Variants in ROR2 observed in about 807,000 individuals in gnomAD.
The protein encoded by ROR2 is tyrosine-protein kinase transmembrane receptor ROR2.
In ROR2, 33 loss-of-function variants were observed where a neutral mutation model predicts 74.9. The observed-to-expected ratio is 0.44, with a 90% CI of 0.33 to 0.59. ROR2 has a LOEUF of 0.59. ROR2 is among the 20% of genes least tolerant of loss of function. The pLI is 0.02. For missense variants in ROR2, 1,216 were observed against 1,313.8 expected (o/e 0.93, Z 1.15); for synonymous variants, 586 against 558.7 (o/e 1.05, Z -0.69).
chr9:91,878,631 C>A lies in ROR2; in HGVS notation c.97+71236G>T, dbSNP rs186707378. ...TCCAGTTCACCTCTTTGGAAAGCCA[C>A]TTGGAGGCTGAAGCCAAACCATAGC... On this transcript the variant is annotated intron_variant, in intron 1 of 8. Transcript: ENST00000375708. 3.2e-3 allele frequency among the ~76,000 whole-genome samples: 491 copies of A among 152,366 alleles called. 3 individuals carry two copies. The highest frequency in any genetic ancestry group is 0.014 in the Middle Eastern group (4 of 294).
chr9:91,732,693 G>A (rs1193218403), intron 6 of ROR2, among the ~76,000 whole-genome samples: 1 of 152,240 alleles, frequency 6.6e-6, no homozygotes. Context: ...TGGGGCAGGA[G>A]TTGAGAGTCT....
At chr9:91,738,581 C>G (rs1414758460) in intron 4 of ROR2, among the ~76,000 whole-genome samples, 1 of 152,186 alleles carries the variant, frequency 6.6e-6, no homozygotes, top group Non-Finnish European at 1.5e-5. Context: ...ACAAGGTAAA[C>G]AGCAGAAATA....
Position 91,902,655 on chromosome 9 carries a change from T to G in ROR2, c.97+47212A>C, listed in dbSNP as rs189399569. ...ATCAGTTGGAGAGCTCAGTCTCAACTGAAGCAACAAGAAAGGGACACTGTT... is the reference window on the plus strand; with the variant it reads ...ATCAGTTGGAGAGCTCAGTCTCAACGGAAGCAACAAGAAAGGGACACTGTT... On this transcript the variant is annotated intron_variant, in intron 1 of 8. Transcript: ENST00000375708. 2.6e-5 allele frequency among the ~76,000 whole-genome samples: 4 copies of G among 152,230 alleles called. No homozygotes were observed. In the East Asian group the frequency reaches 7.7e-4, roughly 29 times the overall value.
intron 1 of ROR2, among the ~76,000 whole-genome samples, chr9:91,947,941 T>C (rs1191154444): frequency 6.6e-6 from 1 of 151,890 alleles, no homozygotes; most frequent in Non-Finnish European, 1.5e-5. Flanking sequence ...AACCTAGCCA[T>C]ACAGAACGAA....
chr9:91,902,171 T>A (rs1334832903), intron 1 of ROR2, among the ~76,000 whole-genome samples: 1 of 152,218 alleles, frequency 6.6e-6, no homozygotes, highest in Non-Finnish European at 1.5e-5. Flanking sequence ...AAGTAAGAGA[T>A]GCATACTCAC....
At chr9:91,883,862 T>G (rs536941861) in intron 1 of ROR2, among the ~76,000 whole-genome samples, 57 of 152,296 alleles carry the variant, frequency 3.7e-4, no homozygotes, top group Admixed American at 6.5e-4. Context: ...AAGGTCCTGG[T>G]GGCCTCGGAA....
intron 1 of ROR2, among the ~76,000 whole-genome samples, chr9:91,945,870 G>A (rs1006417051): frequency 1.3e-5 from 2 of 152,144 alleles, no homozygotes; most frequent in African/African-American, 2.4e-5. Context: ...TTTCCAACTT[G>A]GCAAGCTCTT....
chr9:91,902,783 G>C (rs954924026), intron 1 of ROR2, among the ~76,000 whole-genome samples: 20 of 152,328 alleles, frequency 1.3e-4, no homozygotes, highest in African/African-American at 4.8e-4. Flanking sequence ...CATATCCTTA[G>C]GAATGGAAAT....
intron 1 of ROR2, among the ~76,000 whole-genome samples, chr9:91,855,042 G>A (rs1384016807): frequency 6.6e-6 from 1 of 152,108 alleles, no homozygotes; most frequent in East Asian, 1.9e-4. Context: ...AACATTTTCA[G>A]GAGAATGGAA....
intron 1 of ROR2, among the ~76,000 whole-genome samples, chr9:91,791,395 T>G (rs926159572): frequency 5.3e-5 from 8 of 152,220 alleles, no homozygotes; most frequent in African/African-American, 1.9e-4. Context: ...ATACACTCTA[T>G]GATGCTCACA....
Position 91,730,962 on chromosome 9 carries a change from G to A in ROR2, c.1131C>T (p.Cys377=). ...TGCGTACGTTTTTATTCTGCGTAAA[G>A]CACCAGGGGCCCTCCATCTGGCCTC... ...NPGGQMEGPW[C]FTQNKNVRME... is the part of the protein sequence containing the mutation. Residue 377 remains cysteine, a synonymous_variant, in exon 7 of 9, where the codon TGC becomes TGT. Transcript: ENST00000375708. The A allele has an allele frequency of 3.1e-6, 5 of 1,614,196 alleles. No homozygotes were observed. The highest frequency in any genetic ancestry group is 4.2e-6 in the Non-Finnish European group (5 of 1,180,042).
At chr9:91,827,000 C>T (rs954939030) in intron 1 of ROR2, among the ~76,000 whole-genome samples, 1 of 152,144 alleles carries the variant, frequency 6.6e-6, no homozygotes, top group Non-Finnish European at 1.5e-5. Context: ...GTTTACCAGA[C>T]AAGACCATTA....
chr9:91,829,020 T>C (rs1474921093), intron 1 of ROR2, among the ~76,000 whole-genome samples: 1 of 152,216 alleles, frequency 6.6e-6, no homozygotes, highest in Non-Finnish European at 1.5e-5. Flanking sequence ...GGCTAAATGA[T>C]TAGAAACATC....
chr9:91,897,005 G>T (rs1050602114), intron 1 of ROR2, among the ~76,000 whole-genome samples: 4 of 152,198 alleles, frequency 2.6e-5, no homozygotes, highest in African/African-American at 9.7e-5. Flanking sequence ...CAAAGGGAAG[G>T]AAGGGGAAGG....
rs1466960913 is a variant in ROR2 at position 91,722,867 on chromosome 9, T to C, written c.*795A>G. The C allele has an allele frequency of 2.0e-6, 1 of 507,678 alleles. No individual in the cohort carries two copies. The highest frequency in any genetic ancestry group is 3.6e-6 in the Non-Finnish European group (1 of 280,650). 31.4% of individuals were successfully genotyped at this position (507,678 alleles called of 1,614,324 possible). On this transcript the variant is annotated 3_prime_UTR_variant, in exon 9 of 9. Transcript: ENST00000375708. Reference sequence around the variant, plus strand: ...CATATTAAAAACATATAAATTACATTTAAGCTCTGTACATGATTCTTAACA... The same window carrying C: ...CATATTAAAAACATATAAATTACATCTAAGCTCTGTACATGATTCTTAACA...
At chr9:91,842,908 C>T (rs1041957699) in intron 1 of ROR2, among the ~76,000 whole-genome samples, 2 of 152,232 alleles carry the variant, frequency 1.3e-5, no homozygotes, top group Admixed American at 6.5e-5. Flanking sequence ...CCCCCTCTCT[C>T]GAGCAGAGGT....
chr9:91,867,746 C>T (rs1444103056), intron 1 of ROR2, among the ~76,000 whole-genome samples: 1 of 150,638 alleles, frequency 6.6e-6, no homozygotes, highest in African/African-American at 2.5e-5. Flanking sequence ...CACAGCAGAA[C>T]ACCACCCCCG....
intron 1 of ROR2, among the ~76,000 whole-genome samples, chr9:91,805,018 A>G (rs183146680): frequency 2.7e-4 from 41 of 152,314 alleles, no homozygotes; most frequent in Non-Finnish European, 5.1e-4. Context: ...TATTCAAAGT[A>G]CTTCACATGG....
intron 2 of ROR2, among the ~76,000 whole-genome samples, chr9:91,769,578 G>A (rs1826165595): frequency 6.6e-6 from 1 of 152,084 alleles, no homozygotes; most frequent in African/African-American, 2.4e-5. Context: ...GGGTGTCATA[G>A]CCTTGCTGCT....
Sources: gnomAD v4.1 joint callset for allele counts (sites outside exome capture counted in the v4.1 genomes callset) on GRCh38, gnomAD v4.1.1 for gene constraint, MANE v1.5 for transcripts, NCBI Gene and HGNC (gene_info 2026-07-23, HGNC 2026-07-21) for gene names.